The following PUS7 variants were observed in gnomAD, a reference collection of about 807,000 sequenced individuals.
The protein encoded by PUS7 is pseudouridylate synthase 7 homolog.
A neutral mutation model predicts 79.8 loss-of-function variants in PUS7; 48 were observed. The ratio of observed to expected loss-of-function variants is 0.60; its 90% CI spans 0.48 to 0.76. PUS7 has a LOEUF of 0.76. Ranked by LOEUF, PUS7 falls within the 30% of genes least tolerant of loss-of-function variation. The pLI is 0.00. For missense variants in PUS7, 729 were observed against 797.6 expected (o/e 0.91, Z 1.04); for synonymous variants, 286 against 272.2 (o/e 1.05, Z -0.50).
At chr7:105,477,917 C>T (rs1248811212) in intron 9 of PUS7, among the ~76,000 whole-genome samples, 1 of 152,308 alleles carries the variant, frequency 6.6e-6, no homozygotes, top group East Asian at 1.9e-4. Flanking sequence ...ATCCTCCTGC[C>T]TCAGCCTCCT....
In PUS7 at chr7:105,482,282, T is replaced by G. The variant is rs374833148; in HGVS notation, c.1049+30A>C. 6.7e-5 allele frequency: 107 copies of G among 1,606,084 alleles called. No individual in the cohort carries two copies. The African/African-American group carries it at 1.1e-3, about 16-fold the overall frequency. The stretch of plus-strand genomic sequence containing the variant: ...CTCAAGATGCCCTGGCCAGACCCTC[T>G]GGTCTACATTCCCACCTGCAGTTCT... On this transcript the variant is annotated intron_variant, in intron 8 of 15. Transcript: ENST00000469408.
At chr7:105,514,388 A>G (rs1186610211) in intron 1 of PUS7, among the ~76,000 whole-genome samples, 1 of 152,164 alleles carries the variant, frequency 6.6e-6, no homozygotes, top group Non-Finnish European at 1.5e-5. Flanking sequence ...GTGGATCACA[A>G]GGTCAAGAGA....
intron 9 of PUS7, 56 bp downstream of exon 9, chr7:105,480,996 A>T: frequency 6.4e-7 from 1 of 1,556,930 alleles, no homozygotes; most frequent in Non-Finnish European, 8.7e-7. Flanking sequence ...CACCACCAAC[A>T]AACCCTGCTT....
At chr7:105,488,409 A>AG (rs1182546448) in intron 7 of PUS7, among the ~76,000 whole-genome samples, 3 of 152,196 alleles carry the variant, frequency 2.0e-5, no homozygotes, top group Non-Finnish European at 4.4e-5. Context: ...ATTAAAAAAA[A>AG]AGAGAGAGAG....
At chr7:105,475,805 T>C (rs1824084487) in intron 9 of PUS7, among the ~76,000 whole-genome samples, 1 of 152,076 alleles carries the variant, frequency 6.6e-6, no homozygotes, top group Non-Finnish European at 1.5e-5. Flanking sequence ...CTTTTTAATC[T>C]TCCCCAGCTG....
intron 9 of PUS7, among the ~76,000 whole-genome samples, chr7:105,472,920 CTTTTTTT>C (rs758552553): frequency 8.2e-4 from 95 of 116,384 alleles, no homozygotes; most frequent in African/African-American, 2.9e-3. Flanking sequence ...TGCCCAGCTA[CTTTTTTT>C]TTTTTTTTTT....
intron 5 of PUS7, among the ~76,000 whole-genome samples, chr7:105,498,968 T>C (rs1269864738): frequency 1.3e-5 from 2 of 152,148 alleles, no homozygotes; most frequent in Non-Finnish European, 2.9e-5. Flanking sequence ...TCACAGCTCT[T>C]CCATCTTAAA....
At position 105,498,999 on chromosome 7, in the gene PUS7, C is replaced by G. The variant is rs140775942; in HGVS notation, c.730+3421G>C. On this transcript the variant is annotated intron_variant, in intron 5 of 15. Coordinates refer to ENST00000469408, the MANE Select transcript of PUS7 (RefSeq NM_019042.5). ...TTAAAAGCCTAACCTATGTTCCCCT[C>G]TCCTTAATTATGTTCGCTTCTTCTC... Among the ~76,000 whole-genome samples the G allele has an allele frequency of 2.0e-3, 308 of 152,280 alleles. 2 individuals are homozygous for G. Among genetic ancestry groups the G allele is most frequent in the African/African-American group, 7.1e-3 (297 of 41,558 alleles).
intron 14 of PUS7, among the ~76,000 whole-genome samples, chr7:105,461,823 C>T (rs988185377): frequency 1.3e-5 from 2 of 152,220 alleles, no homozygotes; most frequent in African/African-American, 4.8e-5. Context: ...CAGCATGTTA[C>T]TGTACTGAAT....
chr7:105,484,202 T>C (rs941488893), intron 7 of PUS7, among the ~76,000 whole-genome samples: 1 of 152,196 alleles, frequency 6.6e-6, no homozygotes, highest in African/African-American at 2.4e-5. Context: ...AAAAATCCTG[T>C]TCCCCCAAAG....
At chr7:105,477,741 C>T (rs576373338) in intron 9 of PUS7, among the ~76,000 whole-genome samples, 1 of 152,082 alleles carries the variant, frequency 6.6e-6, no homozygotes, top group Non-Finnish European at 1.5e-5. Context: ...TAGTCACTCC[C>T]CATTGGTCCT....
chr7:105,511,103 C>A (rs1470695535), intron 1 of PUS7, among the ~76,000 whole-genome samples: 7 of 132,992 alleles, frequency 5.3e-5, no homozygotes, highest in Non-Finnish European at 1.2e-4. Context: ...ACGATCTTGG[C>A]TTACTGCAAG....
rs1289619846 is a variant in PUS7 at position 105,495,123 on chromosome 7, C to T, written c.842+19G>A. 2.1e-6 allele frequency: 3 copies of T among 1,404,112 alleles called. No individual in the cohort carries two copies. Among genetic ancestry groups the T allele is most frequent in the Admixed American group, 1.9e-5 (1 of 53,972 alleles). The allele number at this position is 1,404,112 out of a possible 1,614,324, so 87.0% of individuals were successfully genotyped here. A position where few individuals can be genotyped will look rare whatever the true frequency, so the allele number is the denominator to read the frequency against. On this transcript the variant is annotated intron_variant, in intron 6 of 15. Coordinates refer to ENST00000469408, the MANE Select transcript of PUS7 (RefSeq NM_019042.5). The stretch of plus-strand genomic sequence containing the variant: ...TTCTGTTGCTTTGATTTTGTATAGG[C>T]ATAACAACAGTAACTCACCTTAAGT...
chr7:105,496,051 T>C (rs1477090320), intron 5 of PUS7, among the ~76,000 whole-genome samples: 1 of 151,738 alleles, frequency 6.6e-6, no homozygotes, highest in Non-Finnish European at 1.5e-5. Flanking sequence ...TTCCAGCTAC[T>C]TGGGAGGCTG....
At chr7:105,503,126 T>C (rs1825322022) in intron 4 of PUS7, among the ~76,000 whole-genome samples, 1 of 152,210 alleles carries the variant, frequency 6.6e-6, no homozygotes, top group Non-Finnish European at 1.5e-5. Flanking sequence ...AATCTCTCCA[T>C]CATAACACCA....
chr7:105,489,458 C>T (rs998864210), intron 7 of PUS7, among the ~76,000 whole-genome samples: 2 of 152,096 alleles, frequency 1.3e-5, no homozygotes, highest in East Asian at 3.9e-4. Flanking sequence ...TTACCCACTC[C>T]TGCCCCTTCA....
At chr7:105,500,531 G>C (rs1264448576) in intron 5 of PUS7, among the ~76,000 whole-genome samples, 1 of 152,130 alleles carries the variant, frequency 6.6e-6, no homozygotes, top group Non-Finnish European at 1.5e-5. Flanking sequence ...TTTCCAACCT[G>C]CTTCCTCATG....
At chr7:105,512,245 T>C (rs951949072) in intron 1 of PUS7, among the ~76,000 whole-genome samples, 3 of 151,358 alleles carry the variant, frequency 2.0e-5, no homozygotes. Flanking sequence ...AGACCACAAC[T>C]GTAGTTACAT....
Position 105,495,348 on chromosome 7 carries a change from A to G in PUS7, c.731-95T>C, listed in dbSNP as rs534184449. The G allele has an allele frequency of 2.1e-5, 15 of 713,244 alleles. No individual in the cohort carries two copies. In the East Asian group the frequency reaches 3.9e-4, roughly 18 times the overall value. The allele number at this position is 713,244 out of a possible 1,614,324, so 44.2% of individuals were successfully genotyped here. ...CTATAGAACCTTTGAGTGGAAAATC[A>G]GTTCTAGTCTGATAAAGAAATACAG... On this transcript the variant is annotated intron_variant, in intron 5 of 15. Coordinates refer to ENST00000469408, the MANE Select transcript of PUS7 (RefSeq NM_019042.5).
Sources: gnomAD v4.1 joint callset for allele counts (sites outside exome capture counted in the v4.1 genomes callset) on GRCh38, gnomAD v4.1.1 for gene constraint, MANE v1.5 for transcripts, NCBI Gene and HGNC (gene_info 2026-07-23, HGNC 2026-07-21) for gene names.